The following ELMO1 variants were observed in gnomAD, a reference collection of about 807,000 sequenced individuals.
The protein encoded by ELMO1 is engulfment and cell motility protein 1.
In ELMO1, 26 loss-of-function variants were observed where a neutral mutation model predicts 98.9. The observed-to-expected ratio is 0.26, with a 90% confidence interval of 0.19 to 0.36. The LOEUF (loss-of-function observed/expected upper bound fraction) is 0.36. Among genes scored for constraint, ELMO1 ranks in the 10% least tolerant of loss-of-function variants. The pLI is 1.00. For missense variants in ELMO1, 627 were observed against 935.2 expected, an observed-to-expected ratio of 0.67 and a Z score of 4.30; for synonymous variants, 346 against 346.0, an observed-to-expected ratio of 1.00 and a Z score of 0.00.
At chr7:37,364,583 A>ATTTTT (rs34314377) in intron 1 of ELMO1, among the ~76,000 whole-genome samples, 36 of 148,944 alleles carry the variant, frequency 2.4e-4, no homozygotes, top group African/African-American at 7.6e-4. Context: ...TGCTGGCTTA[A>ATTTTT]TTTTTTTTTT....
chr7:37,424,196 T>A (rs1804609973), intron 1 of ELMO1, among the ~76,000 whole-genome samples: 1 of 152,204 alleles, frequency 6.6e-6, no homozygotes, highest in Admixed American at 6.5e-5. Flanking sequence ...ATAGGCAAAG[T>A]AGAAAAGCCA....
At chr7:37,321,716 C>CAAAAAAAAAAAAAAAAAAAA (rs565421716) in intron 2 of ELMO1, among the ~76,000 whole-genome samples, 9 of 66,088 alleles carry the variant, frequency 1.4e-4, no homozygotes, top group African/African-American at 5.6e-4. Context: ...GACTCCGTCT[C>CAAAAAAAAAAAAAAAAAAAA]AAAAAAAAAA....
At chr7:37,401,999 C>G (rs1438323035) in intron 1 of ELMO1, among the ~76,000 whole-genome samples, 1 of 152,238 alleles carries the variant, frequency 6.6e-6, no homozygotes, top group African/African-American at 2.4e-5. Context: ...CTACTCTTCA[C>G]CAAACCTAAG....
intron 2 of ELMO1, among the ~76,000 whole-genome samples, chr7:37,334,607 T>A (rs1004622772): frequency 2.0e-5 from 3 of 152,178 alleles, no homozygotes; most frequent in African/African-American, 7.2e-5. Context: ...TGTAGTAAGG[T>A]GATGAAATCC....
At chr7:37,328,924 G>A (rs190464578) in intron 2 of ELMO1, among the ~76,000 whole-genome samples, 2 of 152,124 alleles carry the variant, frequency 1.3e-5, no homozygotes, top group Non-Finnish European at 2.9e-5. Context: ...TCTTCTTCTA[G>A]TTTGTCAGAA....
chr7:37,260,686 C>G (rs1040689706), intron 5 of ELMO1, among the ~76,000 whole-genome samples: 1 of 152,162 alleles, frequency 6.6e-6, no homozygotes, highest in African/African-American at 2.4e-5. Flanking sequence ...GCCCCGATCA[C>G]TTGGTCACAG....
At chr7:36,981,089 T>G (rs1358269641) in intron 16 of ELMO1, among the ~76,000 whole-genome samples, 1 of 150,834 alleles carries the variant, frequency 6.6e-6, no homozygotes, top group East Asian at 2.0e-4. Flanking sequence ...TTTTTTTTCT[T>G]ACTGTTTTGC....
chr7:37,327,919 A>C (rs575411530), intron 2 of ELMO1, among the ~76,000 whole-genome samples: 5 of 152,262 alleles, frequency 3.3e-5, no homozygotes, highest in African/African-American at 1.2e-4. Flanking sequence ...TATATCATCA[A>C]CCCAGACTTT....
intron 2 of ELMO1, among the ~76,000 whole-genome samples, chr7:37,317,862 CG>C (rs1339163040): frequency 1.8e-4 from 28 of 152,112 alleles, no homozygotes; most frequent in Non-Finnish European, 3.7e-4. Context: ...AAATGCTTGA[CG>C]GGATAGATAC....
chr7:36,961,298 C>T (rs183272558), intron 16 of ELMO1, among the ~76,000 whole-genome samples: 8 of 152,286 alleles, frequency 5.3e-5, no homozygotes, highest in African/African-American at 1.4e-4. Context: ...CCATCACCCA[C>T]GCACGGGGAC....
At chr7:36,875,886 G>A (rs983380960) in intron 19 of ELMO1, among the ~76,000 whole-genome samples, 1 of 152,212 alleles carries the variant, frequency 6.6e-6, no homozygotes, top group African/African-American at 2.4e-5. Flanking sequence ...TGGCAAACCT[G>A]TCGGTCAAGT....
chr7:36,989,277 A>C (rs763089881), intron 16 of ELMO1, among the ~76,000 whole-genome samples: 1 of 152,314 alleles, frequency 6.6e-6, no homozygotes, highest in Non-Finnish European at 1.5e-5. Context: ...ACAACAACAA[A>C]AAAGTAGCAG....
intron 1 of ELMO1, among the ~76,000 whole-genome samples, chr7:37,393,401 C>T (rs1046003365): frequency 3.9e-5 from 6 of 152,150 alleles, no homozygotes; most frequent in African/African-American, 1.2e-4. Context: ...ACCAAATGTC[C>T]CGATAATGTA....
At position 36,894,980 on chromosome 7, in the gene ELMO1, A is replaced by C. The variant is rs1166249223; in HGVS notation, c.1475T>G (p.Leu492Arg). Residue 492 changes from leucine (L) to arginine (R), a missense_variant, in exon 17 of 22, where the codon CTT (leucine) becomes CGT (arginine). Coordinates refer to ENST00000310758, the MANE Select transcript of ELMO1 (RefSeq NM_014800.11). The stretch of plus-strand genomic sequence containing the variant: ...GTCCAGGGAGCTAGGCTTGGTTGTA[A>C]GTGCTCTCATAACCTGCTCCTTCAC... ...QVVKEQVMRA[L>R]TTKPSSLDQF... is the part of the protein sequence containing the mutation. 1.9e-6 allele frequency: 3 copies of C among 1,613,838 alleles called. No individual in the cohort carries two copies. The highest frequency in any genetic ancestry group is 1.7e-6 in the Non-Finnish European group (2 of 1,180,006).
At chr7:37,300,739 TTG>T (rs1798297316) in intron 4 of ELMO1, among the ~76,000 whole-genome samples, 1 of 146,168 alleles carries the variant, frequency 6.8e-6, no homozygotes, top group Non-Finnish European at 1.5e-5. Context: ...TCTTTTTTGG[TTG>T]TGTCTCTGCC....
intron 6 of ELMO1, among the ~76,000 whole-genome samples, chr7:37,247,061 G>A (rs1383941652): frequency 6.6e-6 from 1 of 151,964 alleles, no homozygotes; most frequent in African/African-American, 2.4e-5. Flanking sequence ...CATATCATAT[G>A]AGTAAAATAA....
intron 1 of ELMO1, among the ~76,000 whole-genome samples, chr7:37,344,637 C>T (rs535111653): frequency 1.5e-4 from 23 of 152,320 alleles, no homozygotes; most frequent in South Asian, 8.3e-4. Context: ...ATATTGATAG[C>T]CATTTCCAAA....
At chr7:36,903,785 CT>C (rs1377971542) in intron 16 of ELMO1, among the ~76,000 whole-genome samples, 9 of 152,362 alleles carry the variant, frequency 5.9e-5, no homozygotes, top group African/African-American at 2.2e-4. Context: ...CCCAATGTGA[CT>C]TACAGATGCC....
intron 20 of ELMO1, among the ~76,000 whole-genome samples, chr7:36,866,046 C>G (rs1046962392): frequency 6.6e-6 from 1 of 152,192 alleles, no homozygotes; most frequent in African/African-American, 2.4e-5. Context: ...AAGATGGAAG[C>G]TTCTCATACA....
Sources: allele counts gnomAD v4.1 joint callset (sites outside exome capture counted in the v4.1 genomes callset), GRCh38; gene constraint gnomAD v4.1.1; transcripts MANE v1.5; gene names NCBI Gene and HGNC (gene_info 2026-07-23, HGNC 2026-07-21).